SH2B1: variants seen among roughly 807,000 people sequenced by gnomAD.
SH2B1 encodes the protein SH2B adapter protein 1.
A neutral mutation model predicts 62.6 loss-of-function variants in SH2B1; 15 were observed. That is an observed-to-expected ratio of 0.24 (90% CI 0.16 to 0.37). The LOEUF is 0.37. Among genes scored for constraint, SH2B1 ranks in the 10% least tolerant of loss-of-function variants. The pLI is 1.00. For missense variants in SH2B1, 925 were observed against 1,015.6 expected, an observed-to-expected ratio of 0.91 and a Z score of 1.21; for synonymous variants, 443 against 438.0, an observed-to-expected ratio of 1.01 and a Z score of -0.14.
rs545508137 is a variant in SH2B1 at position 28,866,144 on chromosome 16, C to A, written c.50C>A (p.Pro17Gln). ...PEDGASPSSPPLPPPPPPSWR... is the reference protein window; with the variant it reads ...PEDGASPSSPQLPPPPPPSWR... ...GACGGGGCCTCCCCCTCGTCTCCCC[C>A]GCTGCCCCCACCCCCGCCCCCTAGT... Residue 17 changes from proline to glutamine, a missense_variant, in exon 1 of 8, where the codon CCG (proline) becomes CAG (glutamine). Coordinates refer to ENST00000684370, the MANE Select transcript of SH2B1 (RefSeq NM_001387430.1). This position sits in a 1 kb window ranked among gnomAD's most constrained non-coding sequence, Gnocchi z 6.3. 4 of 1,554,090 alleles carry A rather than the reference C, an allele frequency of 2.6e-6. No individual in the cohort carries two copies. The Admixed American group carries it at 5.7e-5, about 22-fold the overall frequency.
intron 1 of SH2B1, among the ~76,000 whole-genome samples, chr16:28,857,865 G>A (rs1006055123): frequency 7.9e-5 from 12 of 151,468 alleles, no homozygotes; most frequent in East Asian, 2.0e-4. Context: ...TCAGACTCCC[G>A]AGTAGCTGGG....
Position 28,869,044 on chromosome 16 carries a change from T to G in SH2B1, c.1080T>G (p.Asp360Glu), listed in dbSNP as rs773064434. Residue 360 changes from aspartate to glutamate, a missense_variant, in exon 3 of 8, where the codon GAT becomes GAG. This residue lies in a region of SH2B1 where 683 missense variants were observed against 704.0 expected (regional missense o/e 0.97). Coordinates refer to ENST00000684370, the MANE Select transcript of SH2B1 (RefSeq NM_001387430.1). The part of the protein sequence containing the change: ...GPSEYIMETV[D>E]AQHVKAWVSD... ...CCGAGTATATCATGGAGACAGTGGA[T>G]GCCCAGCATGTGAAGGCCTGGGTGT... The G allele has an allele frequency of 6.2e-7, 1 of 1,614,064 alleles. No individual in the cohort carries two copies. Among genetic ancestry groups the G allele is most frequent in the African/African-American group, 1.3e-5 (1 of 74,932 alleles).
chr16:28,847,084 C>G (rs1425442542), intron 1 of SH2B1, among the ~76,000 whole-genome samples: 2 of 152,222 alleles, frequency 1.3e-5, no homozygotes, highest in Non-Finnish European at 2.9e-5. Flanking sequence ...CTTCGCTGCC[C>G]ACCCCTGTAG....
rs754689015 is a variant in SH2B1, at chr16:28,873,484, A to T, written c.1935A>T (p.Glu645Asp). ...CCCATGACCCACCCCAGCCCCCTGA[A>T]CCCCCTTCATGGACAGATCCCCCAC... Reference protein sequence around the residue: ...TTSHDPPQPPEPPSWTDPPQP... With the variant: ...TTSHDPPQPPDPPSWTDPPQP... Residue 645 changes from glutamate (E) to aspartate (D), a missense_variant, in exon 8 of 8, where the codon GAA becomes GAT. Physicochemically the swap from Glu to Asp is conservative, Grantham distance 45. Around this residue, in one of 3 missense-constraint regions of SH2B1, gnomAD observed 185 missense variants for 189.5 expected, o/e 0.98. Coordinates refer to ENST00000684370, the MANE Select transcript of SH2B1 (RefSeq NM_001387430.1). This position sits in a 1 kb window ranked among gnomAD's most constrained non-coding sequence, Gnocchi z 4.2. The T allele has an allele frequency of 2.1e-5, 33 of 1,573,384 alleles. No individual in the cohort carries two copies. The highest frequency in any genetic ancestry group is 5.2e-6 in the Non-Finnish European group (6 of 1,162,860).
In SH2B1 at chr16:28,867,355, C is replaced by G; in HGVS notation, c.964C>G (p.Pro322Ala). ...GGCCTCTCGGCCCCGACTCAGCATC[C>G]CCTGCTCTTCTATCACAGACGTCCG... ...PKASRPRLSI[P>A]CSSITDVRTT... The change falls in exon 2 of 8, where the codon CCC becomes GCC. Residue 322 changes from proline (P) to alanine (A), a missense_variant. Physicochemically the swap from Pro to Ala is conservative, Grantham distance 27. Around this residue, in one of 3 missense-constraint regions of SH2B1, gnomAD observed 683 missense variants for 704.0 expected, o/e 0.97. Coordinates refer to ENST00000684370, the MANE Select transcript of SH2B1 (RefSeq NM_001387430.1). 6.2e-7 allele frequency: 1 copy of G among 1,614,154 alleles called. No homozygotes were observed. The highest frequency in any genetic ancestry group is 1.1e-5 in the South Asian group (1 of 91,084).
At position 28,864,264 on chromosome 16, in the gene SH2B1, C is replaced by G. The variant is rs1002110680; in HGVS notation, c.-1831C>G. ...GAAATATCAGAACTGAGCCAGGAGG[C>G]AGGTGCACCGGGAAAATGTGTCTGA... On this transcript the variant is annotated 5_prime_UTR_variant, in exon 1 of 8. Transcript: ENST00000684370. 1.0e-6 allele frequency: 1 copy of G among 1,004,088 alleles called. No homozygotes were observed. The highest frequency in any genetic ancestry group is 1.2e-6 in the Non-Finnish European group (1 of 841,250). 62.2% of individuals were successfully genotyped at this position (1,004,088 alleles called of 1,614,324 possible). A position where few individuals can be genotyped will look rare whatever the true frequency, so the allele number is the denominator to read the frequency against.
intron 4 of SH2B1, among the ~76,000 whole-genome samples, chr16:28,871,028 TG>T (rs1962998123): frequency 6.6e-6 from 1 of 151,272 alleles, no homozygotes; most frequent in Non-Finnish European, 1.5e-5. Context: ...TGTGTGTGTG[TG>T]TGTTTTGAGA....
chr16:28,865,570 C>G lies in SH2B1; in HGVS notation c.-525C>G, dbSNP rs1962639397. 6.1e-6 allele frequency: 6 copies of G among 985,720 alleles called. No individual in the cohort carries two copies. Among genetic ancestry groups the G allele is most frequent in the Non-Finnish European group, 7.2e-6 (6 of 830,092 alleles). 61.1% of individuals were successfully genotyped at this position (985,720 alleles called of 1,614,324 possible). A position where few individuals can be genotyped will look rare whatever the true frequency, so the allele number is the denominator to read the frequency against. On this transcript the variant is annotated 5_prime_UTR_variant, in exon 1 of 8. Coordinates refer to ENST00000684370, the MANE Select transcript of SH2B1 (RefSeq NM_001387430.1). ...GTAGACTTGGAGTTCTGAAACTTTT[C>G]TGAGCTTCGGTTTCCTCATCTGTTC...
intron 4 of SH2B1, among the ~76,000 whole-genome samples, chr16:28,869,932 C>G (rs547388253): frequency 6.6e-6 from 1 of 152,242 alleles, no homozygotes; most frequent in Admixed American, 6.5e-5. Flanking sequence ...TGCACAGTGC[C>G]TAGCACACAG....
chr16:28,867,966 T>G (rs1189262312), intron 2 of SH2B1, among the ~76,000 whole-genome samples: 1 of 151,104 alleles, frequency 6.6e-6, no homozygotes, highest in Non-Finnish European at 1.5e-5. Flanking sequence ...GTAGTTGGGA[T>G]TACAGGCATG....
rs1013825626 is a variant in SH2B1, at chr16:28,863,964, C to T, written c.-2131C>T. 367 of 1,443,632 alleles carry T rather than the reference C, an allele frequency of 2.5e-4. No individual in the cohort carries two copies. The highest frequency in any genetic ancestry group is 3.1e-4 in the Non-Finnish European group (347 of 1,104,880). 89.4% of individuals were successfully genotyped at this position (1,443,632 alleles called of 1,614,324 possible). On this transcript the variant is annotated 5_prime_UTR_variant, in exon 1 of 8. Coordinates refer to ENST00000684370, the MANE Select transcript of SH2B1 (RefSeq NM_001387430.1). ...GATGCAGGTGGGACCGGAACCGGAA[C>T]CCCCCTCTTCAAGTACCTTTTCCCT...
At chr16:28,858,437 C>T (rs183816994) in intron 1 of SH2B1, among the ~76,000 whole-genome samples, 17 of 152,150 alleles carry the variant, frequency 1.1e-4, no homozygotes, top group Non-Finnish European at 2.9e-5. Flanking sequence ...GGCGTGAACC[C>T]GGGAGGAGGT....
rs543147238 is a variant in SH2B1 at position 28,866,484 on chromosome 16, C to G, written c.390C>G (p.Ala130=). Residue 130 remains alanine (A), a synonymous_variant, in exon 1 of 8, where the codon GCC becomes GCG. Coordinates refer to ENST00000684370, the MANE Select transcript of SH2B1 (RefSeq NM_001387430.1). The surrounding 1 kb of genome is among the most constrained non-coding windows in gnomAD (Gnocchi z 6.3). ...CTTCTCGATCATCTGAGGACCTGGC[C>G]GGCCCCCTCCCTTCCTCAGTCTCTT... The part of the protein sequence containing the change: ...LGPSRSSEDL[A]GPLPSSVSSS... 6.2e-7 allele frequency: 1 copy of G among 1,614,076 alleles called. No individual in the cohort carries two copies. Among genetic ancestry groups the G allele is most frequent in the Non-Finnish European group, 8.5e-7 (1 of 1,180,028 alleles).
At chr16:28,867,266 G>A in intron 1 of SH2B1, 65 bp from the exon 2 acceptor site, 1 of 1,351,766 alleles carries the variant, frequency 7.4e-7, no homozygotes, top group Non-Finnish European at 1.1e-6. Context: ...ATGAATGTCT[G>A]GAGGGAGGGG....
At chr16:28,853,358 C>G (rs1962250945) in intron 1 of SH2B1, among the ~76,000 whole-genome samples, 1 of 149,954 alleles carries the variant, frequency 6.7e-6, no homozygotes, top group African/African-American at 2.4e-5. Flanking sequence ...CGTGTGCCAC[C>G]ATGCCCAGCT....
At position 28,872,055 on chromosome 16, in the gene SH2B1, C is replaced by G. The variant is rs966775368; in HGVS notation, c.1513+72C>G. The G allele has an allele frequency of 8.2e-6, 11 of 1,347,938 alleles. No homozygotes were observed. The highest frequency in any genetic ancestry group is 1.2e-5 in the Non-Finnish European group (11 of 943,744). The allele number at this position is 1,347,938 out of a possible 1,614,324, so 83.5% of individuals were successfully genotyped here. A position where few individuals can be genotyped will look rare whatever the true frequency, so the allele number is the denominator to read the frequency against. On this transcript the variant is annotated intron_variant, in intron 5 of 7. Transcript: ENST00000684370. The surrounding 1 kb of genome is among the most constrained non-coding windows in gnomAD (Gnocchi z 5.3). The stretch of plus-strand genomic sequence containing the variant: ...TTCCTGACCACCTCTCCTGGGATCC[C>G]GAGGGAGCTGGCCCAGGGGAGTTGG...
At chr16:28,855,830 G>GTTTTTTTTT (rs1567460763) in intron 1 of SH2B1, among the ~76,000 whole-genome samples, 1 of 120,380 alleles carries the variant, frequency 8.3e-6, no homozygotes, top group Non-Finnish European at 1.7e-5. Context: ...TTTTTTTTTG[G>GTTTTTTTTT]ATTTTTAGTA....
In SH2B1 at chr16:28,873,451, G is replaced by C; in HGVS notation, c.1902G>C (p.Pro634=). Residue 634 remains proline, a synonymous_variant, in exon 8 of 8, where the codon CCG becomes CCC. Transcript: ENST00000684370. This position sits in a 1 kb window ranked among gnomAD's most constrained non-coding sequence, Gnocchi z 4.2. ...YVPSSQRQQE[P]TTSHDPPQPP... ...TTTCTTACCATTCCTATCCAGAACC[G>C]ACCACCTCCCATGACCCACCCCAGC... 1 of 1,567,322 alleles carries C rather than the reference G, an allele frequency of 6.4e-7. No individual in the cohort carries two copies. Among genetic ancestry groups the C allele is most frequent in the Non-Finnish European group, 8.6e-7 (1 of 1,163,340 alleles).
chr16:28,859,380 T>C (rs1040799947), upstream of SH2B1, among the ~76,000 whole-genome samples: 1 of 152,172 alleles, frequency 6.6e-6, no homozygotes, highest in Non-Finnish European at 1.5e-5. Context: ...AATTCCTTAT[T>C]AAATGACAAA....
Sources: gnomAD v4.1 joint callset for allele counts (sites outside exome capture counted in the v4.1 genomes callset) on GRCh38, gnomAD v4.1.1 for gene constraint, gnomAD v4.1.1 regional missense constraint, Gnocchi (gnomAD v3.1) non-coding constraint, MANE v1.5 for transcripts, NCBI Gene and HGNC (gene_info 2026-07-23, HGNC 2026-07-21) for gene names.